Variants in HMCN1 observed in about 807,000 individuals in gnomAD.
HMCN1 encodes the protein hemicentin-1.
HMCN1 carries 321 observed loss-of-function variants against 625.9 expected under a neutral mutation model. That is an observed-to-expected ratio of 0.51 (90% CI 0.47 to 0.56). The LOEUF is 0.56. Among genes scored for constraint, HMCN1 ranks in the 20% least tolerant of loss-of-function variants. The pLI, the probability that HMCN1 is intolerant of heterozygous loss-of-function variation, is 0.00. For missense variants in HMCN1, 6,588 were observed against 6,887.3 expected, an observed-to-expected ratio of 0.96 and a Z score of 1.54; for synonymous variants, 2,425 against 2,417.6, an observed-to-expected ratio of 1.00 and a Z score of -0.09.
At chr1:186,165,845 A>T (rs1386271935) in intron 98 of HMCN1, among the ~76,000 whole-genome samples, 2 of 152,244 alleles carry the variant, frequency 1.3e-5, no homozygotes, top group East Asian at 3.8e-4. Context: ...GTCCTGCAAA[A>T]TAAGGATAGT....
chr1:186,121,966 TGAGTC>T (rs1476221849), intron 80 of HMCN1, among the ~76,000 whole-genome samples: 1 of 152,158 alleles, frequency 6.6e-6, no homozygotes, highest in African/African-American at 2.4e-5. Flanking sequence ...TAAATGCAGT[TGAGTC>T]AAGTAGGATA....
intron 97 of HMCN1, among the ~76,000 whole-genome samples, chr1:186,164,526 A>G (rs910212506): frequency 6.6e-6 from 1 of 152,128 alleles, no homozygotes; most frequent in Non-Finnish European, 1.5e-5. Flanking sequence ...TACAGGCATG[A>G]GCCACCATGC....
chr1:186,137,714 C>T (rs769883044), intron 88 of HMCN1, 46 bp downstream of exon 88: 2 of 1,613,626 alleles, frequency 1.2e-6, no homozygotes, highest in Admixed American at 3.3e-5. Flanking sequence ...AATAGACCTT[C>T]ATTTCTGTCT....
intron 11 of HMCN1, among the ~76,000 whole-genome samples, chr1:185,949,903 A>C (rs1193065154): frequency 6.6e-6 from 1 of 151,816 alleles, no homozygotes; most frequent in Non-Finnish European, 1.5e-5. Context: ...CAGATGGAAC[A>C]CTGAGAAGTT....
intron 64 of HMCN1, among the ~76,000 whole-genome samples, chr1:186,092,629 A>G (rs911707789): frequency 1.4e-5 from 2 of 143,400 alleles, no homozygotes; most frequent in African/African-American, 2.7e-5. Flanking sequence ...GTAATTCAAA[A>G]GAAAAGCTTT....
At position 186,117,598 on chromosome 1, in the gene HMCN1, A is replaced by G; in HGVS notation, c.11823A>G (p.Gly3941=). 6.2e-7 allele frequency: 1 copy of G among 1,613,736 alleles called. No homozygotes were observed. Among genetic ancestry groups the G allele is most frequent in the East Asian group, 2.2e-5 (1 of 44,862 alleles). ...ATGGTATAAGACTGCTTCCCAGGGGAGATGGCTATAGAATTCTGTCCTCAG... is the reference window on the plus strand; with the variant it reads ...ATGGTATAAGACTGCTTCCCAGGGGGGATGGCTATAGAATTCTGTCCTCAG... ...TKNGIRLLPR[G]DGYRILSSGA... The change falls in exon 77 of 107, where the codon GGA becomes GGG. Residue 3941 remains glycine (G), a synonymous_variant. Transcript: ENST00000271588.
rs374183086 is a variant in HMCN1, at chr1:186,136,810, G to C, written c.13455G>C (p.Arg4485=). ...RQGHSISWDD[R]VNVLSNNSLY... The stretch of plus-strand genomic sequence containing the variant: ...GGCACTCTATTTCCTGGGATGACCG[G>C]GTTAACGTGTTGTCCAACAACTCAT... The change falls in exon 87 of 107, where the codon CGG becomes CGC. Residue 4485 remains arginine, a synonymous_variant. Transcript: ENST00000271588. 4.3e-6 allele frequency: 7 copies of C among 1,613,998 alleles called. No individual in the cohort carries two copies. In the African/African-American group the frequency reaches 9.3e-5, roughly 22 times the overall value.
At position 186,094,304 on chromosome 1, in the gene HMCN1, G is replaced by A. The variant is rs200624405; in HGVS notation, c.10225G>A (p.Ala3409Thr). ...TGTGAGAGCTCAGGTGTCTGATGTC[G>A]CTGTGTATACTTGTGTGGCCTCCAA... is the stretch of plus-strand genomic sequence containing the variant. ...RIVRAQVSDV[A>T]VYTCVASNRA... Residue 3409 changes from alanine to threonine, a missense_variant, in exon 67 of 107, where the codon GCT becomes ACT. This residue lies in a region of HMCN1 where 4,628 missense variants were observed against 4,853.1 expected (regional missense o/e 0.95). Transcript: ENST00000271588. The A allele has an allele frequency of 5.6e-6, 9 of 1,613,118 alleles. No homozygotes were observed. Among genetic ancestry groups the A allele is most frequent in the Non-Finnish European group, 6.8e-6 (8 of 1,179,428 alleles).
intron 1 of HMCN1, among the ~76,000 whole-genome samples, chr1:185,776,286 T>C (rs571052177): frequency 6.6e-6 from 1 of 152,328 alleles, no homozygotes; most frequent in African/African-American, 2.4e-5. Flanking sequence ...CTTTCTGCAT[T>C]TTAATTAGAT....
At chr1:186,038,402 G>A (rs1169569075) in intron 37 of HMCN1, among the ~76,000 whole-genome samples, 1 of 151,980 alleles carries the variant, frequency 6.6e-6, no homozygotes, top group Non-Finnish European at 1.5e-5. Flanking sequence ...CTACAACTTT[G>A]TTTTGTATAT....
chr1:185,790,215 A>G (rs1364880058), intron 1 of HMCN1, among the ~76,000 whole-genome samples: 1 of 152,204 alleles, frequency 6.6e-6, no homozygotes, highest in Non-Finnish European at 1.5e-5. Flanking sequence ...AATTTATTGA[A>G]AGCACCCATT....
intron 16 of HMCN1, among the ~76,000 whole-genome samples, chr1:185,980,376 A>G (rs1323870538): frequency 6.6e-6 from 1 of 152,228 alleles, no homozygotes; most frequent in African/African-American, 2.4e-5. Flanking sequence ...TTTCTTCTGC[A>G]CATACAGAAT....
chr1:185,881,329 G>A (rs1254212232), intron 4 of HMCN1, among the ~76,000 whole-genome samples: 4 of 152,214 alleles, frequency 2.6e-5, no homozygotes, highest in Admixed American at 1.3e-4. Context: ...AGGGGATGGA[G>A]TAGGAAGGCA....
chr1:186,134,989 TGAAAAA>T (rs1208564780), intron 86 of HMCN1, among the ~76,000 whole-genome samples: 1 of 152,182 alleles, frequency 6.6e-6, no homozygotes, highest in African/African-American at 2.4e-5. Context: ...TTCATTGTCT[TGAAAAA>T]GAAAAAGAGC....
intron 19 of HMCN1, 78 bp downstream of exon 19, chr1:185,984,391 G>A: frequency 1.5e-6 from 2 of 1,337,108 alleles, no homozygotes; most frequent in South Asian, 1.2e-5. Flanking sequence ...AAATAACTCT[G>A]TTCCTCTAAT....
chr1:185,916,669 A>G (rs1007581635), intron 6 of HMCN1, among the ~76,000 whole-genome samples: 1 of 152,134 alleles, frequency 6.6e-6, no homozygotes, highest in African/African-American at 2.4e-5. Flanking sequence ...TCTGTTGGAG[A>G]GAGAAAAACC....
chr1:185,864,683 G>A, intron 3 of HMCN1, 55 bp downstream of exon 3: 3 of 1,533,200 alleles, frequency 2.0e-6, no homozygotes, highest in African/African-American at 1.4e-5. Flanking sequence ...GTAAGAGATT[G>A]CCTGTCCTCT....
chr1:186,068,660 G>C (rs1658285751), intron 50 of HMCN1, among the ~76,000 whole-genome samples: 1 of 152,064 alleles, frequency 6.6e-6, no homozygotes, highest in Admixed American at 6.6e-5. Flanking sequence ...GAGGTCAGGA[G>C]ATTGAGACCA....
chr1:186,110,926 CA>C (rs1343676883), intron 71 of HMCN1, among the ~76,000 whole-genome samples: 1 of 137,406 alleles, frequency 7.3e-6, no homozygotes, highest in Non-Finnish European at 1.5e-5. Flanking sequence ...GGAGACAAGT[CA>C]AATTTGGAAG....
Sources: allele counts gnomAD v4.1 joint callset (sites outside exome capture counted in the v4.1 genomes callset), GRCh38; gene constraint gnomAD v4.1.1; regional missense constraint gnomAD v4.1.1; transcripts MANE v1.5; gene names NCBI Gene and HGNC (gene_info 2026-07-23, HGNC 2026-07-21).